The following LANCL2 variants were observed in gnomAD, a reference collection of about 807,000 sequenced individuals.
The protein encoded by LANCL2 is lanC-like protein 2.
Under a neutral mutation model 56.9 loss-of-function variants are expected in LANCL2, and 33 were observed. That is an observed-to-expected ratio of 0.58 (90% CI 0.44 to 0.78). LANCL2 has a LOEUF of 0.78. LANCL2 is among the 30% of genes least tolerant of loss of function. The pLI is 0.00. For missense variants in LANCL2, 562 were observed against 580.2 expected (o/e 0.97, Z 0.32); for synonymous variants, 233 against 228.2 (o/e 1.02, Z -0.19).
chr7:55,393,990 G>A (rs1029538022), intron 2 of LANCL2: 3 of 152,142 alleles, frequency 2.0e-5, no homozygotes, highest in African/African-American at 7.2e-5. Context: ...GTTGAGAAAG[G>A]GTTTCTAAAC....
At position 55,403,523 on chromosome 7, in the gene LANCL2, G is replaced by C. The variant is rs552311682; in HGVS notation, c.825+2203G>C. 5.1e-4 allele frequency among the ~76,000 whole-genome samples: 75 copies of C among 148,494 alleles called. No individual in the cohort carries two copies. The South Asian group carries it at 0.016, about 32-fold the overall frequency. ...CGGTATGGAGTCTTAAAGCAGATTAGTTATCTGTTCCCCACACTTTTCTGG... is the reference window on the plus strand; with the variant it reads ...CGGTATGGAGTCTTAAAGCAGATTACTTATCTGTTCCCCACACTTTTCTGG... On this transcript the variant is annotated intron_variant, in intron 5 of 8. Transcript: ENST00000254770.
intron 1 of LANCL2, among the ~76,000 whole-genome samples, chr7:55,376,921 ATTTC>A (rs902954788): frequency 2.0e-4 from 31 of 152,202 alleles, no homozygotes; most frequent in African/African-American, 7.0e-4. Context: ...TCTACATTTT[ATTTC>A]TTTCTTCCTC....
At chr7:55,399,585 C>G (rs1790297432) in intron 3 of LANCL2, among the ~76,000 whole-genome samples, 1 of 152,166 alleles carries the variant, frequency 6.6e-6, no homozygotes, top group Non-Finnish European at 1.5e-5. Flanking sequence ...TCAGGTGATC[C>G]ACCTACCTCG....
intron 1 of LANCL2, among the ~76,000 whole-genome samples, chr7:55,380,840 C>T (rs1196116062): frequency 1.3e-5 from 2 of 148,350 alleles, no homozygotes; most frequent in African/African-American, 5.0e-5. Context: ...GAGTATGTTA[C>T]AGTGCATGAT....
chr7:55,380,634 A>C (rs1790056065), intron 1 of LANCL2, among the ~76,000 whole-genome samples: 1 of 152,058 alleles, frequency 6.6e-6, no homozygotes, highest in Non-Finnish European at 1.5e-5. Flanking sequence ...GCGTGATTGG[A>C]GGAGGAGGGA....
chr7:55,425,043 A>G (rs1364618761), intron 6 of LANCL2, among the ~76,000 whole-genome samples: 1 of 152,198 alleles, frequency 6.6e-6, no homozygotes, highest in African/African-American at 2.4e-5. Flanking sequence ...GGTGCCAAAA[A>G]GGTTGGAGAC....
Position 55,401,246 on chromosome 7 carries a change from T to C in LANCL2, c.751T>C (p.Leu251=). The part of the protein sequence containing the change: ...EERKTERCPL[L]YQWHRKQYVG... ...AAGAAAAACGGAGCGCTGCCCGCTG[T>C]TGTACCAGTGGCACCGGAAGCAGTA... The change falls in exon 5 of 9, where the codon TTG becomes CTG. Residue 251 remains leucine, a synonymous_variant. Transcript: ENST00000254770. The C allele has an allele frequency of 5.6e-6, 9 of 1,614,210 alleles. No homozygotes were observed. The highest frequency in any genetic ancestry group is 5.9e-6 in the Non-Finnish European group (7 of 1,180,020).
intron 1 of LANCL2, among the ~76,000 whole-genome samples, chr7:55,372,089 A>G (rs1789949798): frequency 6.6e-6 from 1 of 152,232 alleles, no homozygotes; most frequent in African/African-American, 2.4e-5. Flanking sequence ...CAGAGTACTC[A>G]TAAATTTGAG....
intron 2 of LANCL2, among the ~76,000 whole-genome samples, chr7:55,392,195 A>G (rs1289084264): frequency 6.6e-6 from 1 of 152,142 alleles, no homozygotes; most frequent in Non-Finnish European, 1.5e-5. Context: ...TGGGAGGCTG[A>G]GGCAGGAGAA....
rs998047289 is a variant in LANCL2 at position 55,422,857 on chromosome 7, A to C, written c.1009-2397A>C. Among the ~76,000 whole-genome samples, 3 of 152,204 alleles carry C rather than the reference A, an allele frequency of 2.0e-5. No individual in the cohort carries two copies. The East Asian group carries it at 5.8e-4, about 29-fold the overall frequency. On this transcript the variant is annotated intron_variant, in intron 6 of 8. Transcript: ENST00000254770. ...TTGAAGATATTTCTAGTAACTGCCTAAAACCCTTGTCCCTATTTCTGACGT... is the reference window on the plus strand; with the variant it reads ...TTGAAGATATTTCTAGTAACTGCCTCAAACCCTTGTCCCTATTTCTGACGT...
intron 1 of LANCL2, among the ~76,000 whole-genome samples, chr7:55,384,768 T>G (rs1410382755): frequency 6.6e-6 from 1 of 152,146 alleles, no homozygotes; most frequent in Non-Finnish European, 1.5e-5. Flanking sequence ...AAATAACATG[T>G]AAGTCCTGAA....
intron 1 of LANCL2, among the ~76,000 whole-genome samples, chr7:55,366,545 A>G (rs892605328): frequency 6.6e-6 from 1 of 151,296 alleles, no homozygotes; most frequent in Non-Finnish European, 1.5e-5. Context: ...GCCCGCGGAC[A>G]CCTCCCGCCC....
rs1789852074 is a variant in LANCL2, at chr7:55,365,777, G to GGGAGCAGGGCAAAGGCGCCA, written c.-245_-226dup. ...TCCCGCGAGCCCGCTCCTCTCCGTCGGGAGCAGGGCAAAGGCGCCAGGAAC... is the reference window on the plus strand; with the variant it reads ...TCCCGCGAGCCCGCTCCTCTCCGTCGGGAGCAGGGCAAAGGCGCCAGGAGCAGGGCAAAGGCGCCAGGAAC... On this transcript the variant is annotated 5_prime_UTR_variant, in exon 1 of 9. Coordinates refer to ENST00000254770, the MANE Select transcript of LANCL2 (RefSeq NM_018697.4). 1 of 370,444 alleles carries GGGAGCAGGGCAAAGGCGCCA rather than the reference G, an allele frequency of 2.7e-6. No homozygotes were observed. Among genetic ancestry groups the GGGAGCAGGGCAAAGGCGCCA allele is most frequent in the Admixed American group, 4.6e-5 (1 of 21,574 alleles). The allele number at this position is 370,444 out of a possible 1,614,324, so 22.9% of individuals were successfully genotyped here.
At chr7:55,402,129 C>T (rs1232808912) in intron 5 of LANCL2, among the ~76,000 whole-genome samples, 356 of 120,720 alleles carry the variant, frequency 2.9e-3, no homozygotes, top group East Asian at 0.016. Flanking sequence ...CGGGCAGAGG[C>T]GCCCCTCACC....
rs370244318 is a variant in LANCL2 at position 55,366,057 on chromosome 7, T to C, written c.32T>C (p.Leu11Pro). 4 of 1,521,076 alleles carry C rather than the reference T, an allele frequency of 2.6e-6. No homozygotes were observed. Among genetic ancestry groups the C allele is most frequent in the African/African-American group, 1.4e-5 (1 of 70,212 alleles). 94.2% of individuals were successfully genotyped at this position (1,521,076 alleles called of 1,614,324 possible). MGETMSKRLK[L>P]HLGGEAEMEE... The stretch of plus-strand genomic sequence containing the variant: ...GAGACCATGTCAAAGAGGCTGAAGC[T>C]CCACCTGGGAGGGGAGGCAGAAATG... Residue 11 changes from leucine to proline, a missense_variant, in exon 1 of 9, where the codon CTC (leucine) becomes CCC (proline). Leu to Pro is a moderately conservative substitution (Grantham distance 98). Coordinates refer to ENST00000254770, the MANE Select transcript of LANCL2 (RefSeq NM_018697.4).
chr7:55,419,301 TTATC>T (rs1447802499), intron 6 of LANCL2, among the ~76,000 whole-genome samples: 2 of 152,082 alleles, frequency 1.3e-5, no homozygotes, highest in African/African-American at 4.8e-5. Flanking sequence ...TTTTCTCATT[TTATC>T]TAAGTTGTCA....
In LANCL2 at chr7:55,365,949, G is replaced by C. The variant is rs937599029; in HGVS notation, c.-77G>C. The C allele has an allele frequency of 2.0e-5, 24 of 1,206,470 alleles. No individual in the cohort carries two copies. Among genetic ancestry groups the C allele is most frequent in the Non-Finnish European group, 2.4e-5 (22 of 907,048 alleles). 74.7% of individuals were successfully genotyped at this position (1,206,470 alleles called of 1,614,324 possible). On this transcript the variant is annotated 5_prime_UTR_variant, in exon 1 of 9. Coordinates refer to ENST00000254770, the MANE Select transcript of LANCL2 (RefSeq NM_018697.4). Reference sequence around the variant, plus strand: ...AGGACGCTCTCTGCGCGGGCCCTCGGAGGAGGCGGCGGCGGGGCGAGCTGC... The same window carrying C: ...AGGACGCTCTCTGCGCGGGCCCTCGCAGGAGGCGGCGGCGGGGCGAGCTGC...
At chr7:55,430,463 G>A (rs1790715501) in intron 8 of LANCL2, among the ~76,000 whole-genome samples, 1 of 152,202 alleles carries the variant, frequency 6.6e-6, no homozygotes, top group Non-Finnish European at 1.5e-5. Flanking sequence ...ACCTCTGGGG[G>A]GACCACAGGG....
intron 1 of LANCL2, among the ~76,000 whole-genome samples, chr7:55,388,468 C>A (rs1377242576): frequency 6.6e-6 from 1 of 152,102 alleles, no homozygotes; most frequent in Non-Finnish European, 1.5e-5. Flanking sequence ...ATGGCTTGAA[C>A]CTGGGAGGCA....
Sources: allele counts gnomAD v4.1 joint callset (sites outside exome capture counted in the v4.1 genomes callset), GRCh38; gene constraint gnomAD v4.1.1; transcripts MANE v1.5; gene names NCBI Gene and HGNC (gene_info 2026-07-23, HGNC 2026-07-21).